Variants in ANKRD11 observed in about 807,000 individuals in gnomAD.
ANKRD11 encodes ankyrin repeat domain-containing protein 11.
In ANKRD11, 17 loss-of-function variants were observed where a neutral mutation model predicts 195.7. The ratio of observed to expected loss-of-function variants is 0.09; its 90% confidence interval spans 0.06 to 0.13. ANKRD11 has a LOEUF of 0.13. Among genes scored for constraint, ANKRD11 ranks in the 10% least tolerant of loss-of-function variants. The pLI, the probability that ANKRD11 is intolerant of heterozygous loss-of-function variation, is 1.00. For missense variants in ANKRD11, 3,735 were observed against 3,566.1 expected (o/e 1.05, Z -1.21); for synonymous variants, 1,953 against 1,528.1 (o/e 1.28, Z -6.49).
At position 89,284,874 on chromosome 16, in the gene ANKRD11, G is replaced by A. The variant is rs557568760; in HGVS notation, c.1668C>T (p.Ser556=). Residue 556 remains serine, a synonymous_variant, in exon 9 of 13, where the codon TCC becomes TCT. Transcript: ENST00000301030. ...WRTDNWKTIS[S]PAWSEVSSLS... ...AAGAACTGACCTCTGACCAAGCCGG[G>A]GAAGAAATGGTTTTCCAATTGTCTG... 11 of 1,614,138 alleles carry A rather than the reference G, an allele frequency of 6.8e-6. No homozygotes were observed. Among genetic ancestry groups the A allele is most frequent in the African/African-American group, 1.3e-5 (1 of 75,054 alleles).
At chr16:89,341,375 C>G (rs1170248338) in intron 2 of ANKRD11, among the ~76,000 whole-genome samples, 1 of 152,182 alleles carries the variant, frequency 6.6e-6, no homozygotes, top group African/African-American at 2.4e-5. Context: ...ACAGGGCAAT[C>G]TGCAGATTCT....
At chr16:89,376,395 T>A (rs368119907) in intron 2 of ANKRD11, among the ~76,000 whole-genome samples, 2 of 152,212 alleles carry the variant, frequency 1.3e-5, no homozygotes, top group African/African-American at 4.8e-5. Context: ...CCAGACACCA[T>A]GAGGAATATC....
intron 9 of ANKRD11, chr16:89,277,685 C>T (rs1401332158): frequency 5.9e-5 from 9 of 152,248 alleles, no homozygotes; most frequent in African/African-American, 2.2e-4. Flanking sequence ...AGGGAAAGAC[C>T]GCAGAGGTCA....
intron 2 of ANKRD11, among the ~76,000 whole-genome samples, chr16:89,327,926 CTAGTT>C (rs2037820941): frequency 6.6e-6 from 1 of 152,146 alleles, no homozygotes; most frequent in Admixed American, 6.5e-5. Context: ...TTTGAAAGAC[CTAGTT>C]TAAAGAGTGA....
chr16:89,327,970 T>A (rs1176733068), intron 2 of ANKRD11, among the ~76,000 whole-genome samples: 1 of 152,190 alleles, frequency 6.6e-6, no homozygotes. Flanking sequence ...GGGAAAAATA[T>A]CTGCAAATCA....
chr16:89,390,947 G>C (rs2041164718), intron 2 of ANKRD11, among the ~76,000 whole-genome samples: 1 of 152,188 alleles, frequency 6.6e-6, no homozygotes, highest in Admixed American at 6.5e-5. Flanking sequence ...TATTGCACCA[G>C]GCTGGGCGCC....
At chr16:89,294,308 C>A (rs370531853) in intron 4 of ANKRD11, among the ~76,000 whole-genome samples, 1 of 152,172 alleles carries the variant, frequency 6.6e-6, no homozygotes, top group Non-Finnish European at 1.5e-5. Context: ...CTGCCCCACA[C>A]TCAGGAAAAG....
intron 2 of ANKRD11, among the ~76,000 whole-genome samples, chr16:89,345,398 C>CT (rs2038894131): frequency 6.6e-6 from 1 of 152,164 alleles, no homozygotes; most frequent in Non-Finnish European, 1.5e-5. Context: ...TGGACGAACG[C>CT]TGGCTGCTAT....
intron 2 of ANKRD11, among the ~76,000 whole-genome samples, chr16:89,352,725 G>A (rs1168453907): frequency 6.6e-6 from 1 of 152,216 alleles, no homozygotes; most frequent in African/African-American, 2.4e-5. Context: ...AGCTGGGTGA[G>A]TCCCGCTTGC....
intron 1 of ANKRD11, among the ~76,000 whole-genome samples, chr16:89,424,065 G>A (rs966589849): frequency 6.6e-6 from 1 of 152,010 alleles, no homozygotes; most frequent in African/African-American, 2.4e-5. Context: ...CTGGGGGAGG[G>A]ACTTGCATTA....
At chr16:89,349,259 T>C (rs2039093786) in intron 2 of ANKRD11, among the ~76,000 whole-genome samples, 1 of 150,516 alleles carries the variant, frequency 6.6e-6, no homozygotes, top group African/African-American at 2.4e-5. Context: ...CCAGGCGCAG[T>C]GGCTCACGCC....
In ANKRD11 at chr16:89,467,464, G is replaced by A. The variant is rs145355955; in HGVS notation, c.-145+22781C>T. ...CTCTAAAAAGAAACCCTGGGCTCAA[G>A]TGGCCATCCAGCCTCAGCCTCCCAA... On this transcript the variant is annotated intron_variant, in intron 1 of 12. Coordinates refer to ENST00000301030, the MANE Select transcript of ANKRD11 (RefSeq NM_013275.6). Among the ~76,000 whole-genome samples the A allele has an allele frequency of 3.2e-3, 480 of 152,338 alleles. 3 individuals are homozygous for A. Among genetic ancestry groups the A allele is most frequent in the African/African-American group, 0.011 (449 of 41,576 alleles).
At chr16:89,346,447 CAAT>C (rs1023428351) in intron 2 of ANKRD11, among the ~76,000 whole-genome samples, 1 of 152,082 alleles carries the variant, frequency 6.6e-6, no homozygotes, top group African/African-American at 2.4e-5. Context: ...GAAAATAACA[CAAT>C]AATCACGCAA....
At chr16:89,403,003 AG>A (rs2152173009) in intron 2 of ANKRD11, among the ~76,000 whole-genome samples, 1 of 152,308 alleles carries the variant, frequency 6.6e-6, no homozygotes, top group South Asian at 2.1e-4. Flanking sequence ...CAGTCACCTC[AG>A]CCCCACCATC....
chr16:89,446,679 C>T, intron 1 of ANKRD11, among the ~76,000 whole-genome samples: 1 of 152,154 alleles, frequency 6.6e-6, no homozygotes, highest in Non-Finnish European at 1.5e-5. Flanking sequence ...TGAAGTGAAG[C>T]CCTGAGATCC....
At chr16:89,337,260 T>C (rs931353550) in intron 2 of ANKRD11, among the ~76,000 whole-genome samples, 13 of 151,714 alleles carry the variant, frequency 8.6e-5, no homozygotes, top group Admixed American at 8.5e-4. Flanking sequence ...CATGCCCAAA[T>C]GCTCCCAAGG....
intron 2 of ANKRD11, among the ~76,000 whole-genome samples, chr16:89,377,921 G>C (rs572844637): frequency 6.6e-6 from 1 of 151,890 alleles, no homozygotes; most frequent in African/African-American, 2.4e-5. Context: ...GAAATGATGA[G>C]GATGAAGACC....
chr16:89,486,568 C>G (rs2057621854), intron 1 of ANKRD11, among the ~76,000 whole-genome samples: 1 of 152,086 alleles, frequency 6.6e-6, no homozygotes, highest in South Asian at 2.1e-4. Flanking sequence ...TATGTCGAGG[C>G]CATGCCACAA....
intron 2 of ANKRD11, among the ~76,000 whole-genome samples, chr16:89,365,806 C>T (rs774418030): frequency 6.6e-6 from 1 of 152,074 alleles, no homozygotes. Context: ...TATTTCATCA[C>T]CCAGGTGTTA....
Sources: allele counts gnomAD v4.1 joint callset (sites outside exome capture counted in the v4.1 genomes callset), GRCh38; gene constraint gnomAD v4.1.1; transcripts MANE v1.5; gene names NCBI Gene and HGNC (gene_info 2026-07-23, HGNC 2026-07-21).